Variants in ARFGEF1 observed in about 807,000 individuals in gnomAD.
ARFGEF1 encodes ARF guanine nucleotide exchange factor 1.
A neutral mutation model predicts 231.0 loss-of-function variants in ARFGEF1; 42 were observed. The ratio of observed to expected loss-of-function variants is 0.18; its 90% CI spans 0.14 to 0.24. ARFGEF1 has a LOEUF of 0.24. Ranked by LOEUF, ARFGEF1 falls within the 10% of genes least tolerant of loss-of-function variation. ARFGEF1 has a pLI of 1.00. For missense variants in ARFGEF1, 1,345 were observed against 2,192.0 expected, an observed-to-expected ratio of 0.61 and a Z score of 7.72; for synonymous variants, 710 against 732.3, an observed-to-expected ratio of 0.97 and a Z score of 0.49.
rs1216229672 is a variant in ARFGEF1 at position 67,226,102 on chromosome 8, T to C, written c.3998A>G (p.Asn1333Ser). The C allele has an allele frequency of 5.0e-6, 8 of 1,613,218 alleles. No homozygotes were observed. Among genetic ancestry groups the C allele is most frequent in the Non-Finnish European group, 6.8e-6 (8 of 1,179,572 alleles). Reference sequence around the variant, plus strand: ...CATACTTGTGTCTGGGAAAGCTGCATTGCACGCAAATTCAGACAAACACTT... The same window carrying C: ...CATACTTGTGTCTGGGAAAGCTGCACTGCACGCAAATTCAGACAAACACTT... ...AVKCLSEFAC[N>S]AAFPDTSMEA... The change falls in exon 28 of 39, where the codon AAT becomes AGT. Residue 1333 changes from asparagine (N) to serine (S), a missense_variant. Physicochemically the swap from Asn to Ser is conservative, Grantham distance 46. This residue lies in a region of ARFGEF1 where 142 missense variants were observed against 227.3 expected (regional missense o/e 0.62). Transcript: ENST00000262215.
intron 14 of ARFGEF1, among the ~76,000 whole-genome samples, chr8:67,264,603 C>G (rs150750616): frequency 2.0e-5 from 3 of 151,982 alleles, no homozygotes; most frequent in Admixed American, 6.6e-5. Context: ...AAGACTGAGA[C>G]GGCATAGTCA....
downstream of ARFGEF1, among the ~76,000 whole-genome samples, chr8:67,194,154 G>T (rs1429225799): frequency 6.6e-6 from 1 of 152,098 alleles, no homozygotes; most frequent in Admixed American, 6.5e-5. Context: ...CACCTAACAA[G>T]CTACCCTGCC....
intron 5 of ARFGEF1, among the ~76,000 whole-genome samples, chr8:67,185,013 G>A (rs1834137279): frequency 6.7e-6 from 1 of 149,442 alleles, no homozygotes; most frequent in Non-Finnish European, 1.5e-5. Flanking sequence ...GCTGAGGCAG[G>A]AGAATGGCGT....
chr8:67,275,002 C>G (rs1479694136), intron 9 of ARFGEF1, among the ~76,000 whole-genome samples: 1 of 152,038 alleles, frequency 6.6e-6, no homozygotes, highest in Non-Finnish European at 1.5e-5. Flanking sequence ...CTGGTACAAT[C>G]TGACAAAATT....
chr8:67,258,161 G>A lies in ARFGEF1; in HGVS notation c.2365C>T (p.Arg789Cys). ...SALRMFLEGF[R>C]LPGEAQKIDR... ...ATTTTCTGAGCTTCCCCTGGAAGAC[G>A]AAATCCTTCTAGAAACATACGAAGG... Residue 789 changes from arginine (R) to cysteine (C), a missense_variant, in exon 16 of 39, where the codon CGT becomes TGT. Coordinates refer to ENST00000262215, the MANE Select transcript of ARFGEF1 (RefSeq NM_006421.5). 1.9e-6 allele frequency: 3 copies of A among 1,613,840 alleles called. No homozygotes were observed. The highest frequency in any genetic ancestry group is 2.5e-6 in the Non-Finnish European group (3 of 1,179,862).
rs1265597176 is a variant in ARFGEF1, at chr8:67,322,647, G to GT, written c.125-20182dup. ...TTCAGCCCAGGAGTTCGAGGATGCT[G>GT]TAAGTTATGACTGCACTGCTGCTCT... On this transcript the variant is annotated intron_variant, in intron 1 of 38. Transcript: ENST00000262215. Among the ~76,000 whole-genome samples the GT allele has an allele frequency of 2.0e-5, 3 of 152,218 alleles. No individual in the cohort carries two copies. In the East Asian group the frequency reaches 5.8e-4, roughly 29 times the overall value.
chr8:67,342,678 GA>G (rs1563926427), intron 1 of ARFGEF1, among the ~76,000 whole-genome samples: 1 of 152,150 alleles, frequency 6.6e-6, no homozygotes, highest in African/African-American at 2.4e-5. Flanking sequence ...TGTCAACAAG[GA>G]AACAACTTCA....
At chr8:67,296,931 C>A (rs1322708560) in intron 4 of ARFGEF1, among the ~76,000 whole-genome samples, 1 of 152,148 alleles carries the variant, frequency 6.6e-6, no homozygotes, top group Non-Finnish European at 1.5e-5. Flanking sequence ...GGGTTACAGG[C>A]ATGAGCCACC....
intron 29 of ARFGEF1, among the ~76,000 whole-genome samples, chr8:67,220,901 T>TC (rs1380437107): frequency 1.3e-5 from 2 of 151,508 alleles, no homozygotes; most frequent in African/African-American, 4.8e-5. Context: ...CCTTTTCTTT[T>TC]TTTTTTTTTT....
intron 4 of ARFGEF1, 135 bp downstream of exon 4, chr8:67,299,074 G>A (rs1422575446): frequency 2.9e-5 from 25 of 868,804 alleles, no homozygotes; most frequent in Admixed American, 1.1e-4. Context: ...ATGAGCCACT[G>A]AGCCCGGCCT....
chr8:67,334,401 A>G (rs1245854397), intron 1 of ARFGEF1, among the ~76,000 whole-genome samples: 2 of 152,304 alleles, frequency 1.3e-5, no homozygotes, highest in African/African-American at 2.4e-5. Flanking sequence ...ACACTTCATC[A>G]TAACAACTAG....
intron 5 of ARFGEF1, among the ~76,000 whole-genome samples, chr8:67,186,961 T>TA (rs1834774600): frequency 6.8e-6 from 1 of 146,194 alleles, no homozygotes; most frequent in Non-Finnish European, 1.5e-5. Context: ...GAGGTATAAA[T>TA]CTATCTATCA....
intron 34 of ARFGEF1, 114 bp downstream of exon 34, chr8:67,211,369 G>C: frequency 2.3e-6 from 1 of 442,824 alleles, no homozygotes; most frequent in Non-Finnish European, 3.5e-6. Flanking sequence ...AAAAAAAGAA[G>C]TGATGACACA....
At chr8:67,211,345 C>CAAAAAA (rs375793043) in intron 34 of ARFGEF1, 138 bp downstream of exon 34, 52 of 247,170 alleles carry the variant, frequency 2.1e-4, no homozygotes, top group African/African-American at 1.5e-3. Context: ...AACTCCGTCT[C>CAAAAAA]AAAAAAAAAA....
intron 1 of ARFGEF1, among the ~76,000 whole-genome samples, chr8:67,319,895 A>G (rs1463962730): frequency 6.6e-6 from 1 of 152,152 alleles, no homozygotes; most frequent in Non-Finnish European, 1.5e-5. Flanking sequence ...ACATTCACCA[A>G]AGAGGATATG....
intron 1 of ARFGEF1, among the ~76,000 whole-genome samples, chr8:67,332,793 T>G (rs1808158387): frequency 6.6e-6 from 1 of 152,024 alleles, no homozygotes; most frequent in Admixed American, 6.6e-5. Flanking sequence ...AAAAGCAGAG[T>G]GCAACACAAC....
At chr8:67,214,999 G>A (rs988003035) in intron 33 of ARFGEF1, among the ~76,000 whole-genome samples, 1 of 152,150 alleles carries the variant, frequency 6.6e-6, no homozygotes, top group South Asian at 2.1e-4. Context: ...AAAACTCAAC[G>A]GAATTGTCCC....
intron 22 of ARFGEF1, among the ~76,000 whole-genome samples, chr8:67,233,392 C>T (rs915783409): frequency 6.6e-5 from 10 of 151,840 alleles, no homozygotes; most frequent in Admixed American, 6.6e-4. Context: ...TTTCTAACAC[C>T]CTTTTATTGA....
Position 67,343,696 on chromosome 8 carries a change from G to A in ARFGEF1, c.-409C>T. 1.3e-6 allele frequency: 1 copy of A among 792,224 alleles called. No homozygotes were observed. Among genetic ancestry groups the A allele is most frequent in the Non-Finnish European group, 1.5e-6 (1 of 650,934 alleles). The allele number at this position is 792,224 out of a possible 1,614,324, so 49.1% of individuals were successfully genotyped here. On this transcript the variant is annotated 5_prime_UTR_variant, in exon 1 of 39. Coordinates refer to ENST00000262215, the MANE Select transcript of ARFGEF1 (RefSeq NM_006421.5). The stretch of plus-strand genomic sequence containing the variant: ...GCACCGCGAGAGAAGGGCTACCCTG[G>A]CTACTGTGGGGATTAGCACCCGCCG...
Sources: gnomAD v4.1 joint callset for allele counts (sites outside exome capture counted in the v4.1 genomes callset) on GRCh38, gnomAD v4.1.1 for gene constraint, gnomAD v4.1.1 regional missense constraint, MANE v1.5 for transcripts, NCBI Gene and HGNC (gene_info 2026-07-23, HGNC 2026-07-21) for gene names.